SH3GLB2: variants seen among roughly 807,000 people sequenced by gnomAD.
SH3GLB2 encodes the protein SH3 domain containing GRB2 like, endophilin B2.
SH3GLB2 carries 24 observed loss-of-function variants against 48.0 expected under a neutral mutation model. The ratio of observed to expected loss-of-function variants is 0.50; its 90% CI spans 0.36 to 0.70. The LOEUF is 0.70. SH3GLB2 is among the 30% of genes least tolerant of loss of function. The pLI is 0.00. For missense variants in SH3GLB2, 425 were observed against 516.0 expected, an observed-to-expected ratio of 0.82 and a Z score of 1.71; for synonymous variants, 227 against 207.6, an observed-to-expected ratio of 1.09 and a Z score of -0.80.
chr9:129,018,663 G>T (rs1843595136), intron 3 of SH3GLB2, among the ~76,000 whole-genome samples: 3 of 151,470 alleles, frequency 2.0e-5, no homozygotes, highest in Admixed American at 2.0e-4. Context: ...GGAGGCCGAG[G>T]CGGGTGGATC....
chr9:129,014,685 A>G lies in SH3GLB2; in HGVS notation c.468+86T>C, dbSNP rs994456333. ...GAGGCCTCAGGAGTTTTGTAGCCCC[A>G]GCACTGGAAGAGAGCCTGTACTCAA... On this transcript the variant is annotated intron_variant, in intron 4 of 10. Transcript: ENST00000372564. This position sits in a 1 kb window ranked among gnomAD's most constrained non-coding sequence, Gnocchi z 4.1. 5 of 1,554,966 alleles carry G rather than the reference A, an allele frequency of 3.2e-6. No homozygotes were observed. The African/African-American group carries it at 6.9e-5, about 21-fold the overall frequency.
chr9:129,016,302 C>T (rs892657569), intron 3 of SH3GLB2, among the ~76,000 whole-genome samples: 1 of 139,550 alleles, frequency 7.2e-6, no homozygotes, highest in East Asian at 2.2e-4. Context: ...AACGTCACAC[C>T]ACTGTACTCC....
intron 3 of SH3GLB2, among the ~76,000 whole-genome samples, chr9:129,015,474 A>C (rs914494357): frequency 6.6e-6 from 1 of 152,218 alleles, no homozygotes; most frequent in Non-Finnish European, 1.5e-5. Flanking sequence ...TGTGGCTCAC[A>C]CCTGTAATCT....
intron 5 of SH3GLB2, chr9:129,013,663 G>T (rs1266612707): frequency 5.3e-6 from 1 of 189,740 alleles, no homozygotes; most frequent in Admixed American, 5.6e-5. Flanking sequence ...GCCTCCCTCG[G>T]CTAATCAGCT....
chr9:129,013,094 G>GCAGGCCCCC, intron 5 of SH3GLB2: 1 of 1,530,602 alleles, frequency 6.5e-7, no homozygotes. Flanking sequence ...GCAGGCAGGA[G>GCAGGCCCCC]CAGGCCCCCC....
chr9:129,018,208 G>C (rs1249266301), intron 3 of SH3GLB2, among the ~76,000 whole-genome samples: 1 of 152,186 alleles, frequency 6.6e-6, no homozygotes, highest in African/African-American at 2.4e-5. Context: ...ATCTGAAAAT[G>C]AAACAACACA....
In SH3GLB2 at chr9:129,007,518, A is replaced by G. The variant is rs1277650144; in HGVS notation, c.*1166T>C. On this transcript the variant is annotated 3_prime_UTR_variant, in exon 11 of 11. Coordinates refer to ENST00000372564, the MANE Select transcript of SH3GLB2 (RefSeq NM_020145.4). ...AGAATGCTAGGTCCTGCTAGGGGCC[A>G]TCTAAAACACAGACATCACTTAGGG... 1 of 152,048 alleles carries G rather than the reference A, an allele frequency of 6.6e-6. No individual in the cohort carries two copies. Among genetic ancestry groups the G allele is most frequent in the Non-Finnish European group, 1.5e-5 (1 of 67,998 alleles). The allele number at this position is 152,048 out of a possible 1,614,324, so 9.4% of individuals were successfully genotyped here.
Position 129,010,662 on chromosome 9 carries a change from C to T in SH3GLB2, c.648+8G>A, listed in dbSNP as rs1160904080. The T allele has an allele frequency of 3.1e-6, 5 of 1,614,020 alleles. No homozygotes were observed. Among genetic ancestry groups the T allele is most frequent in the Admixed American group, 1.7e-5 (1 of 60,014 alleles). On this transcript the variant is annotated splice_region_variant and intron_variant, in intron 7 of 10. Transcript: ENST00000372564. Reference sequence around the variant, plus strand: ...TCCTCGAGCCCAGCCCCCCAGGCCCCAACTTACCTTGTCCACTTCATCATT... The same window carrying T: ...TCCTCGAGCCCAGCCCCCCAGGCCCTAACTTACCTTGTCCACTTCATCATT...
In SH3GLB2 at chr9:129,010,930, T is replaced by C. The variant is rs559513682; in HGVS notation, c.625-237A>G. Reference sequence around the variant, plus strand: ...GGGGAGCAGCCAGCAGGAGTCCTGCTTATATTTCTCCTACAGTGTCAGCCC... The same window carrying C: ...GGGGAGCAGCCAGCAGGAGTCCTGCCTATATTTCTCCTACAGTGTCAGCCC... On this transcript the variant is annotated intron_variant, in intron 6 of 10. Transcript: ENST00000372564. The C allele has an allele frequency of 2.8e-4, 165 of 582,954 alleles. 2 individuals carry two copies. Among genetic ancestry groups the C allele is most frequent in the South Asian group, 2.0e-3 (93 of 47,544 alleles). The allele number at this position is 582,954 out of a possible 1,614,324, so 36.1% of individuals were successfully genotyped here. A position where few individuals can be genotyped will look rare whatever the true frequency, so the allele number is the denominator to read the frequency against.
In SH3GLB2 at chr9:129,027,516, C is replaced by T. The variant is rs886124857; in HGVS notation, c.63+576G>A. On this transcript the variant is annotated intron_variant, in intron 1 of 10. Transcript: ENST00000372564. ...GGCCTGGACAGCTTCCCAGCCAGAC[C>T]CCAGCCCTCTCTCCATCCCCCAGGC... Among the ~76,000 whole-genome samples the T allele has an allele frequency of 2.6e-5, 4 of 152,178 alleles. No individual in the cohort carries two copies. The South Asian group carries it at 8.3e-4, about 32-fold the overall frequency.
intron 3 of SH3GLB2, among the ~76,000 whole-genome samples, chr9:129,017,822 C>T (rs1028809034): frequency 1.3e-5 from 2 of 149,760 alleles, no homozygotes; most frequent in Non-Finnish European, 2.9e-5. Flanking sequence ...GGCATGAACA[C>T]GAGAGGCGGA....
chr9:129,010,967 T>C (rs920493728), intron 6 of SH3GLB2: 4 of 519,478 alleles, frequency 7.7e-6, no homozygotes, highest in Non-Finnish European at 1.4e-5. Context: ...ATTCTCTGAG[T>C]GGGGTCTCAA....
At chr9:129,022,465 T>A in intron 1 of SH3GLB2, 42 bp from the exon 2 acceptor site, 53 of 1,212,898 alleles carry the variant, frequency 4.4e-5, no homozygotes, top group Non-Finnish European at 5.6e-5. Context: ...GGGGGAGAGC[T>A]CAGAAGGAGG....
chr9:129,009,989 G>T, intron 8 of SH3GLB2, 118 bp from the exon 9 acceptor site: 1 of 1,361,818 alleles, frequency 7.3e-7, no homozygotes, highest in Non-Finnish European at 1.0e-6. Flanking sequence ...CCCTGCCCCT[G>T]CGCCCACACC....
chr9:129,014,876 A>G lies in SH3GLB2; in HGVS notation c.363T>C (p.Ala121=). Residue 121 remains alanine, a synonymous_variant, in exon 4 of 11, where the codon GCT becomes GCC. Coordinates refer to ENST00000372564, the MANE Select transcript of SH3GLB2 (RefSeq NM_020145.4). This position sits in a 1 kb window ranked among gnomAD's most constrained non-coding sequence, Gnocchi z 4.1. The part of the protein sequence containing the change: ...YGKTLIKVAE[A]EKQLGAAERD... Reference sequence around the variant, plus strand: ...TCTCCGCGGCTCCCAGTTGCTTTTCAGCTTCTGCCACCTTGATCAGTGTCT... The same window carrying G: ...TCTCCGCGGCTCCCAGTTGCTTTTCGGCTTCTGCCACCTTGATCAGTGTCT... 6.2e-7 allele frequency: 1 copy of G among 1,614,034 alleles called. No homozygotes were observed. The highest frequency in any genetic ancestry group is 8.5e-7 in the Non-Finnish European group (1 of 1,180,020).
At chr9:129,025,312 C>T (rs937112154) in intron 1 of SH3GLB2, among the ~76,000 whole-genome samples, 1 of 149,962 alleles carries the variant, frequency 6.7e-6, no homozygotes, top group African/African-American at 2.5e-5. Context: ...CCTGTAATAT[C>T]AGCACTTTGG....
chr9:129,013,051 G>A (rs1843215518), intron 5 of SH3GLB2: 1 of 1,551,012 alleles, frequency 6.4e-7, no homozygotes, highest in Admixed American at 2.0e-5. Context: ...AGGACGGAAA[G>A]GAACAAAAAC....
intron 5 of SH3GLB2, chr9:129,012,860 A>T: frequency 1.0e-6 from 1 of 975,532 alleles, no homozygotes; most frequent in South Asian, 1.6e-5. Context: ...CCCCCCCTAA[A>T]CCAGAGGCCC....
Position 129,008,516 on chromosome 9 carries a change from C to T in SH3GLB2, c.*168G>A. The stretch of plus-strand genomic sequence containing the variant: ...AAGCAGGGCTGGGGGAGGGGTGGAG[C>T]CATTCAGCCTCAGGCACCCTCACAG... On this transcript the variant is annotated 3_prime_UTR_variant, in exon 11 of 11. Transcript: ENST00000372564. The T allele has an allele frequency of 1.7e-6, 1 of 597,248 alleles. No homozygotes were observed. Among genetic ancestry groups the T allele is most frequent in the Non-Finnish European group, 3.0e-6 (1 of 328,686 alleles). 37.0% of individuals were successfully genotyped at this position (597,248 alleles called of 1,614,324 possible).
Sources: gnomAD v4.1 joint callset for allele counts (sites outside exome capture counted in the v4.1 genomes callset) on GRCh38, gnomAD v4.1.1 for gene constraint, Gnocchi (gnomAD v3.1) non-coding constraint, MANE v1.5 for transcripts, NCBI Gene and HGNC (gene_info 2026-07-23, HGNC 2026-07-21) for gene names.